The following LRRTM3 variants were observed in gnomAD, a reference collection of about 807,000 sequenced individuals.
The protein encoded by LRRTM3 is leucine rich repeat transmembrane neuronal 3.
LRRTM3 carries 24 observed loss-of-function variants against 44.7 expected under a neutral mutation model. The observed-to-expected ratio is 0.54, with a 90% confidence interval of 0.39 to 0.76. LRRTM3 has a LOEUF of 0.76. LRRTM3 is among the 30% of genes least tolerant of loss of function. The pLI is 0.00. For missense variants in LRRTM3, 587 were observed against 702.2 expected, an observed-to-expected ratio of 0.84 and a Z score of 1.85; for synonymous variants, 277 against 278.7, an observed-to-expected ratio of 0.99 and a Z score of 0.06.
At chr10:67,086,128 A>G (rs1857294885) in intron 2 of LRRTM3, among the ~76,000 whole-genome samples, 1 of 152,100 alleles carries the variant, frequency 6.6e-6, no homozygotes, top group African/African-American at 2.4e-5. Context: ...AGATGGATAG[A>G]TAAATGGATG....
intron 2 of LRRTM3, among the ~76,000 whole-genome samples, chr10:66,998,488 A>G (rs1851486504): frequency 6.6e-6 from 1 of 152,176 alleles, no homozygotes; most frequent in African/African-American, 2.4e-5. Context: ...TTATATTTTT[A>G]TGCTTTTTGC....
intron 2 of LRRTM3, among the ~76,000 whole-genome samples, chr10:66,941,535 A>G (rs942252939): frequency 6.6e-6 from 1 of 152,192 alleles, no homozygotes; most frequent in Non-Finnish European, 1.5e-5. Flanking sequence ...TTTGAATCTG[A>G]CAAACAACCT....
intron 2 of LRRTM3, among the ~76,000 whole-genome samples, chr10:66,986,549 A>T (rs1035997986): frequency 1.3e-5 from 2 of 152,172 alleles, no homozygotes; most frequent in African/African-American, 4.8e-5. Flanking sequence ...GATTAAAAAC[A>T]ATACATTGAA....
At position 67,047,453 on chromosome 10, in the gene LRRTM3, G is replaced by A. The variant is rs561714066; in HGVS notation, c.1537-50134G>A. Among the ~76,000 whole-genome samples the A allele has an allele frequency of 5.5e-4, 83 of 152,210 alleles. 1 individual carries two copies. The highest frequency in any genetic ancestry group is 3.4e-3 in the Middle Eastern group (1 of 294). On this transcript the variant is annotated intron_variant, in intron 2 of 2. Coordinates refer to ENST00000361320, the MANE Select transcript of LRRTM3 (RefSeq NM_178011.5). ...TGAAAGAAAAACATTAAGGAAAGGA[G>A]TCGGAGGGAAAGTAAGAGTGTTACT...
At chr10:66,929,267 T>A (rs896104057) in intron 2 of LRRTM3, among the ~76,000 whole-genome samples, 5 of 152,216 alleles carry the variant, frequency 3.3e-5, no homozygotes, top group Non-Finnish European at 5.9e-5. Context: ...AGAAGCCAGA[T>A]TTCTCCACCA....
At chr10:66,984,974 T>C (rs1045240953) in intron 2 of LRRTM3, among the ~76,000 whole-genome samples, 4 of 152,128 alleles carry the variant, frequency 2.6e-5, no homozygotes, top group Non-Finnish European at 4.4e-5. Context: ...TTTCCTACAA[T>C]CCTCTCTCTT....
At chr10:67,044,921 C>T (rs1050803224) in intron 2 of LRRTM3, among the ~76,000 whole-genome samples, 8 of 152,080 alleles carry the variant, frequency 5.3e-5, no homozygotes, top group Non-Finnish European at 1.2e-4. Flanking sequence ...CTGGGAAAAA[C>T]GGGGATAACC....
intron 2 of LRRTM3, among the ~76,000 whole-genome samples, chr10:66,985,957 A>C (rs963536531): frequency 3.9e-5 from 6 of 152,146 alleles, no homozygotes; most frequent in Middle Eastern, 3.4e-3. Context: ...CGATCTCCTG[A>C]CCTCATGATC....
chr10:66,934,467 G>T (rs1847581522), intron 2 of LRRTM3, among the ~76,000 whole-genome samples: 2 of 152,064 alleles, frequency 1.3e-5, no homozygotes, highest in African/African-American at 4.8e-5. Context: ...TTACACACTT[G>T]CATTAAATAT....
chr10:67,025,311 C>T (rs191746404), intron 2 of LRRTM3, among the ~76,000 whole-genome samples: 2 of 151,696 alleles, frequency 1.3e-5, no homozygotes, highest in African/African-American at 4.8e-5. Flanking sequence ...AGCTCATAAG[C>T]CTATTTTGTA....
intron 2 of LRRTM3, among the ~76,000 whole-genome samples, chr10:67,061,024 G>T (rs1336171695): frequency 2.0e-5 from 3 of 151,916 alleles, no homozygotes; most frequent in Non-Finnish European, 4.4e-5. Context: ...CTTCCTTAGT[G>T]ACTCAATGAA....
intron 2 of LRRTM3, among the ~76,000 whole-genome samples, chr10:66,950,027 A>G (rs938401699): frequency 6.6e-6 from 1 of 152,140 alleles, no homozygotes; most frequent in African/African-American, 2.4e-5. Flanking sequence ...CTGTTTCTCT[A>G]TGCAATTACT....
intron 2 of LRRTM3, among the ~76,000 whole-genome samples, chr10:67,061,819 G>A (rs1855771388): frequency 6.6e-6 from 1 of 152,100 alleles, no homozygotes; most frequent in African/African-American, 2.4e-5. Flanking sequence ...ATTCCTCATT[G>A]GCAGATAAGC....
intron 2 of LRRTM3, among the ~76,000 whole-genome samples, chr10:67,044,435 GA>G (rs1359290070): frequency 6.6e-6 from 1 of 151,908 alleles, no homozygotes; most frequent in Non-Finnish European, 1.5e-5. Flanking sequence ...TTGCTTTTAA[GA>G]AGAGGACAAA....
Position 67,097,708 on chromosome 10 carries a change from C to T in LRRTM3, c.1658C>T (p.Thr553Met), listed in dbSNP as rs761729350. Reference sequence around the variant, plus strand: ...TTTGAAACGAATGCACAGGAAGATACGATGGAAACACACCTAGAGACTGAG... The same window carrying T: ...TTTGAAACGAATGCACAGGAAGATATGATGGAAACACACCTAGAGACTGAG... ...KSFETNAQED[T>M]METHLETELD... is the part of the protein sequence containing the mutation. The change falls in exon 3 of 3, where the codon ACG becomes ATG. Residue 553 changes from threonine (T) to methionine (M), a missense_variant. Around this residue, in one of 3 missense-constraint regions of LRRTM3, gnomAD observed 315 missense variants for 335.6 expected, o/e 0.94. Transcript: ENST00000361320. 2.9e-5 allele frequency: 47 copies of T among 1,612,514 alleles called. No individual in the cohort carries two copies. Among genetic ancestry groups the T allele is most frequent in the Admixed American group, 6.7e-5 (4 of 59,820 alleles).
chr10:66,981,358 A>C (rs1397730048), intron 2 of LRRTM3, among the ~76,000 whole-genome samples: 2 of 152,200 alleles, frequency 1.3e-5, no homozygotes, highest in Non-Finnish European at 2.9e-5. Context: ...TTAAAACTTC[A>C]TCAGCTCACT....
chr10:66,952,949 A>T (rs1388787263), intron 2 of LRRTM3, among the ~76,000 whole-genome samples: 1 of 152,106 alleles, frequency 6.6e-6, no homozygotes, highest in Admixed American at 6.6e-5. Context: ...TATCCTTTGA[A>T]ATACTTCCAC....
chr10:67,070,745 C>CA (rs199625404), intron 2 of LRRTM3, among the ~76,000 whole-genome samples: 3,459 of 143,332 alleles, frequency 0.024, 46 homozygotes, highest in African/African-American at 0.033. Flanking sequence ...GACCCCATCT[C>CA]AAAAAAAAAA....
chr10:67,029,485 G>T (rs1175403749), intron 2 of LRRTM3, among the ~76,000 whole-genome samples: 1 of 152,056 alleles, frequency 6.6e-6, no homozygotes, highest in East Asian at 1.9e-4. Flanking sequence ...GATAACCGGT[G>T]GGTACTCATC....
Sources: gnomAD v4.1 joint callset for allele counts (sites outside exome capture counted in the v4.1 genomes callset) on GRCh38, gnomAD v4.1.1 for gene constraint, gnomAD v4.1.1 regional missense constraint, MANE v1.5 for transcripts, NCBI Gene and HGNC (gene_info 2026-07-23, HGNC 2026-07-21) for gene names.